Variants in SEC24D observed in about 807,000 individuals in gnomAD.
The protein encoded by SEC24D is SEC24 homolog D, COPII component.
In SEC24D, 69 loss-of-function variants were observed where a neutral mutation model predicts 116.9. The observed-to-expected ratio is 0.59, with a 90% CI of 0.49 to 0.72. The LOEUF is 0.72. Among genes scored for constraint, SEC24D ranks in the 30% least tolerant of loss-of-function variants. The pLI is 0.00. For synonymous variants in SEC24D, 405 were observed against 442.8 expected (o/e 0.91, Z 1.07); for missense variants, 1,131 against 1,264.1 (o/e 0.89, Z 1.60).
intron 10 of SEC24D, among the ~76,000 whole-genome samples, chr4:118,764,174 C>T (rs1578410384): frequency 6.6e-6 from 1 of 151,932 alleles, no homozygotes; most frequent in African/African-American, 2.4e-5. Flanking sequence ...GGGGGCAATG[C>T]TTAATGGCCT....
intron 3 of SEC24D, among the ~76,000 whole-genome samples, chr4:118,822,053 G>A (rs1467397817): frequency 8.5e-5 from 13 of 152,162 alleles, no homozygotes; most frequent in Admixed American, 6.6e-4. Flanking sequence ...TGAGTAACTA[G>A]ATTGAGCTCG....
rs1213841244 is a variant in SEC24D at position 118,789,131 on chromosome 4, T to G, written c.1041+8552A>C. Among the ~76,000 whole-genome samples, 4 of 152,234 alleles carry G rather than the reference T, an allele frequency of 2.6e-5. No homozygotes were observed. In the South Asian group the frequency reaches 8.3e-4, roughly 32 times the overall value. On this transcript the variant is annotated intron_variant, in intron 8 of 22. Transcript: ENST00000280551. ...ACTGTTTTATTGAAATTTGGAATCT[T>G]GAGTTCCAGCATATCACTTACCAGC...
chr4:118,789,313 T>C (rs960862508), intron 8 of SEC24D, among the ~76,000 whole-genome samples: 2 of 152,226 alleles, frequency 1.3e-5, no homozygotes, highest in Admixed American at 1.3e-4. Flanking sequence ...GCCAAAACTA[T>C]GTCAACGCAT....
intron 7 of SEC24D, among the ~76,000 whole-genome samples, chr4:118,804,514 A>G (rs1163655143): frequency 1.3e-5 from 2 of 151,818 alleles, no homozygotes; most frequent in African/African-American, 4.8e-5. Flanking sequence ...ATAAATAGAT[A>G]TTAAAACACT....
chr4:118,817,287 C>T lies in SEC24D; in HGVS notation c.374G>A (p.Ser125Asn), dbSNP rs1415062302. The change falls in exon 4 of 23, where the codon AGT (serine) becomes AAT (asparagine). Residue 125 changes from serine (S) to asparagine (N), a missense_variant. By Grantham distance (46) the Ser-to-Asn change is conservative. Coordinates refer to ENST00000280551, the MANE Select transcript of SEC24D (RefSeq NM_014822.4). ...ACCATAGCTGTTGATTTGCATAGCA[C>T]TGAGCTGGCTGCCCAGCTGGGTGAC... ...SSVTQLGSQL[S>N]AMQINSYGSG... 1 of 1,613,110 alleles carries T rather than the reference C, an allele frequency of 6.2e-7. No homozygotes were observed. The highest frequency in any genetic ancestry group is 1.7e-5 in the Admixed American group (1 of 59,800).
At chr4:118,813,000 A>ACC (rs1729983538) in intron 6 of SEC24D, among the ~76,000 whole-genome samples, 1 of 151,816 alleles carries the variant, frequency 6.6e-6, no homozygotes, top group South Asian at 2.1e-4. Context: ...AGCGAGCCAC[A>ACC]CCCCCACTGC....
intron 11 of SEC24D, among the ~76,000 whole-genome samples, chr4:118,753,640 C>CAGTCTAT: frequency 6.6e-6 from 1 of 151,874 alleles, no homozygotes; most frequent in East Asian, 1.9e-4. Context: ...GTTCTCGTTC[C>CAGTCTAT]AGTCTATAGT....
rs1024687610 is a variant in SEC24D, at chr4:118,833,743, A to G, written c.-41-6T>C. 2.3e-6 allele frequency: 3 copies of G among 1,326,530 alleles called. No homozygotes were observed. Among genetic ancestry groups the G allele is most frequent in the African/African-American group, 1.5e-5 (1 of 68,328 alleles). The allele number at this position is 1,326,530 out of a possible 1,614,324, so 82.2% of individuals were successfully genotyped here. On this transcript the variant is annotated splice_region_variant and splice_polypyrimidine_tract_variant and intron_variant, in intron 1 of 22. Transcript: ENST00000280551. ...GATAATTCTACAAAAGAAGTCTGCA[A>G]CAGAGAAACAAGAAACATGTTACCA...
chr4:118,752,894 A>G lies in SEC24D; in HGVS notation c.1422-6T>C, dbSNP rs1726909937. On this transcript the variant is annotated splice_polypyrimidine_tract_variant and splice_region_variant and intron_variant, in intron 11 of 22. Transcript: ENST00000280551. ...ACGTCTCTTCTTGCTCTTCCCTGTAAGGAAAAAAAAAAGTGTTTGAGATGC... is the reference window on the plus strand; with the variant it reads ...ACGTCTCTTCTTGCTCTTCCCTGTAGGGAAAAAAAAAAGTGTTTGAGATGC... The G allele has an allele frequency of 1.3e-6, 2 of 1,520,646 alleles. No individual in the cohort carries two copies. Among genetic ancestry groups the G allele is most frequent in the Non-Finnish European group, 8.8e-7 (1 of 1,138,254 alleles). The allele number at this position is 1,520,646 out of a possible 1,614,324, so 94.2% of individuals were successfully genotyped here. A position where few individuals can be genotyped will look rare whatever the true frequency, so the allele number is the denominator to read the frequency against.
At chr4:118,775,315 T>G (rs1242966819) in intron 8 of SEC24D, among the ~76,000 whole-genome samples, 2 of 119,846 alleles carry the variant, frequency 1.7e-5, no homozygotes, top group African/African-American at 3.4e-5. Context: ...ACGCTCAGGA[T>G]AACTTGTGAT....
At chr4:118,803,883 C>T (rs1052560913) in intron 7 of SEC24D, among the ~76,000 whole-genome samples, 3 of 152,180 alleles carry the variant, frequency 2.0e-5, no homozygotes, top group Middle Eastern at 3.4e-3. Context: ...TTGATACATA[C>T]TAAGTACTTG....
In SEC24D at chr4:118,814,309, C is replaced by T. The variant is rs184815246; in HGVS notation, c.801+719G>A. ...TTGCACATTTTGGCCAGCTCTGTTT[C>T]CTCCCTATGCCACAAAATAGCATGT... On this transcript the variant is annotated intron_variant, in intron 6 of 22. Transcript: ENST00000280551. Among the ~76,000 whole-genome samples the T allele has an allele frequency of 9.1e-3, 1,381 of 152,304 alleles. 12 individuals are homozygous for T. Among genetic ancestry groups the T allele is most frequent in the Non-Finnish European group, 0.013 (878 of 68,030 alleles).
rs1231769944 is a variant in SEC24D, at chr4:118,723,376, C to T, written c.*139G>A. The T allele has an allele frequency of 2.4e-6, 2 of 832,166 alleles. No homozygotes were observed. The highest frequency in any genetic ancestry group is 3.7e-6 in the Non-Finnish European group (2 of 545,140). The allele number at this position is 832,166 out of a possible 1,614,324, so 51.5% of individuals were successfully genotyped here. ...ATACCTGAGCACCAAAGCTGAAGTT[C>T]TAAATGCCATCTCTTCCTGGAAAGT... On this transcript the variant is annotated 3_prime_UTR_variant, in exon 23 of 23. Transcript: ENST00000280551.
intron 13 of SEC24D, among the ~76,000 whole-genome samples, chr4:118,745,380 T>C (rs1726466430): frequency 6.6e-6 from 1 of 152,232 alleles, no homozygotes; most frequent in Non-Finnish European, 1.5e-5. Flanking sequence ...CTTTCTTATT[T>C]AGCCTACAGT....
At position 118,752,565 on chromosome 4, in the gene SEC24D, A is replaced by G. The variant is rs1017150247; in HGVS notation, c.1613+132T>C. 1.1e-5 allele frequency: 7 copies of G among 619,552 alleles called. No homozygotes were observed. The East Asian group carries it at 2.2e-4, about 19-fold the overall frequency. 38.4% of individuals were successfully genotyped at this position (619,552 alleles called of 1,614,324 possible). A position where few individuals can be genotyped will look rare whatever the true frequency, so the allele number is the denominator to read the frequency against. On this transcript the variant is annotated intron_variant, in intron 12 of 22. Transcript: ENST00000280551. ...AAAAAAGACTGACTTAACATAAATGATAGAGTTTTATAATCTGTGTCTTGA... is the reference window on the plus strand; with the variant it reads ...AAAAAAGACTGACTTAACATAAATGGTAGAGTTTTATAATCTGTGTCTTGA...
rs148538835 is a variant in SEC24D at position 118,725,983 on chromosome 4, C to T, written c.2959-2328G>A. On this transcript the variant is annotated intron_variant, in intron 22 of 22. Transcript: ENST00000280551. ...TACATTTCTAAAGGGAGGGGGATGG[C>T]CCTATAGAGTAGGAAGAGAACATTA... is the stretch of plus-strand genomic sequence containing the variant. 2.6e-5 allele frequency among the ~76,000 whole-genome samples: 4 copies of T among 152,198 alleles called. No individual in the cohort carries two copies. The East Asian group carries it at 7.7e-4, about 29-fold the overall frequency.
intron 10 of SEC24D, among the ~76,000 whole-genome samples, chr4:118,761,576 C>G (rs1560652996): frequency 6.6e-6 from 1 of 152,218 alleles, no homozygotes; most frequent in Non-Finnish European, 1.5e-5. Flanking sequence ...CCAAAAGTCA[C>G]AGACTAGTGG....
At chr4:118,773,507 G>A (rs1728003958) in intron 8 of SEC24D, among the ~76,000 whole-genome samples, 1 of 152,080 alleles carries the variant, frequency 6.6e-6, no homozygotes, top group Admixed American at 6.6e-5. Context: ...TTGGAGTGCT[G>A]CTTATTCTTT....
intron 19 of SEC24D, chr4:118,736,544 C>T: frequency 3.1e-6 from 1 of 323,172 alleles, no homozygotes; most frequent in Non-Finnish European, 6.0e-6. Flanking sequence ...TCTCCATCTT[C>T]ATAGATATTA....
Sources: allele counts gnomAD v4.1 joint callset (sites outside exome capture counted in the v4.1 genomes callset), GRCh38; gene constraint gnomAD v4.1.1; transcripts MANE v1.5; gene names NCBI Gene and HGNC (gene_info 2026-07-23, HGNC 2026-07-21).